TDRD3: variants seen among roughly 807,000 people sequenced by gnomAD.
The protein encoded by TDRD3 is tudor domain containing 3, also known as tudor domain-containing protein 3.
A neutral mutation model predicts 86.7 loss-of-function variants in TDRD3; 45 were observed. The ratio of observed to expected loss-of-function variants is 0.52; its 90% confidence interval spans 0.41 to 0.67. TDRD3 has a LOEUF of 0.67. Among genes scored for constraint, TDRD3 ranks in the 30% least tolerant of loss-of-function variants. The pLI, the probability that TDRD3 is intolerant of heterozygous loss-of-function variation, is 0.00. For missense variants in TDRD3, 814 were observed against 889.0 expected (o/e 0.92, Z 1.07); for synonymous variants, 298 against 301.7 (o/e 0.99, Z 0.13).
intron 9 of TDRD3, among the ~76,000 whole-genome samples, chr13:60,510,359 G>T (rs2137659880): frequency 6.6e-6 from 1 of 151,862 alleles, no homozygotes; most frequent in Non-Finnish European, 1.5e-5. Context: ...AAATATCTGT[G>T]GTTAAAGAAT....
At position 60,467,327 on chromosome 13, in the gene TDRD3, C is replaced by T; in HGVS notation, c.443C>T (p.Thr148Ile). 1 of 1,613,884 alleles carries T rather than the reference C, an allele frequency of 6.2e-7. No homozygotes were observed. Among genetic ancestry groups the T allele is most frequent in the Non-Finnish European group, 8.5e-7 (1 of 1,179,876 alleles). ...GFLLLNDSNT[T>I]VLGGEVEHLI... ...CTGCTCTTGAATGACTCTAACACCA[C>T]AGTTCTTGGTGGTGAAGTGGAACAC... The change falls in exon 5 of 14, where the codon ACA becomes ATA. Residue 148 changes from threonine (T) to isoleucine (I), a missense_variant. Thr to Ile is a moderately conservative substitution (Grantham distance 89). Transcript: ENST00000377881.
intron 3 of TDRD3, among the ~76,000 whole-genome samples, chr13:60,446,135 TC>T (rs1238963451): frequency 6.6e-6 from 1 of 152,206 alleles, no homozygotes; most frequent in Admixed American, 6.6e-5. Context: ...CTCTGCTTGC[TC>T]TTCCTCATTG....
At position 60,427,401 on chromosome 13, in the gene TDRD3, C is replaced by CT. The variant is rs200659190; in HGVS notation, c.42-12278dup. 5.4e-3 allele frequency among the ~76,000 whole-genome samples: 814 copies of CT among 151,338 alleles called. 6 individuals are homozygous for CT. The highest frequency in any genetic ancestry group is 0.019 in the African/African-American group (766 of 41,272). ...ATTGTTTCCTGTGTTATTAAAGGTACTTTTTTTTTGTGGGGAGGCTGGGTT... is the reference window on the plus strand; with the variant it reads ...ATTGTTTCCTGTGTTATTAAAGGTACTTTTTTTTTTGTGGGGAGGCTGGGTT... On this transcript the variant is annotated intron_variant, in intron 1 of 13. Coordinates refer to ENST00000377881, the MANE Select transcript of TDRD3 (RefSeq NM_001146070.2).
intron 8 of TDRD3, among the ~76,000 whole-genome samples, chr13:60,500,601 G>C (rs532127450): frequency 6.6e-6 from 1 of 152,326 alleles, no homozygotes; most frequent in Non-Finnish European, 1.5e-5. Flanking sequence ...AGAACTTCAA[G>C]CAGTGCACCT....
At chr13:60,546,527 A>G (rs958458290) in intron 12 of TDRD3, among the ~76,000 whole-genome samples, 1 of 152,150 alleles carries the variant, frequency 6.6e-6, no homozygotes, top group African/African-American at 2.4e-5. Flanking sequence ...GGTGGTGATG[A>G]TACACTTTCC....
chr13:60,538,995 A>G (rs936816846), intron 12 of TDRD3, among the ~76,000 whole-genome samples: 7 of 152,208 alleles, frequency 4.6e-5, no homozygotes, highest in Non-Finnish European at 8.8e-5. Flanking sequence ...TCTTGGTATC[A>G]GGAAATGATC....
chr13:60,397,321 A>AAACC lies in TDRD3; in HGVS notation c.-44_-43insAACC. On this transcript the variant is annotated 5_prime_UTR_variant, in exon 1 of 14. An upstream open reading frame in the 5' UTR loses its in-frame stop. Coordinates refer to ENST00000377881, the MANE Select transcript of TDRD3 (RefSeq NM_001146070.2). ...GTCTCAAGTAGGAGGCCTCCCCATCACCCCCACCCCAGCCCCCCACCACCC... is the reference window on the plus strand; with the variant it reads ...GTCTCAAGTAGGAGGCCTCCCCATCAAACCCCCCCACCCCAGCCCCCCACCACCC... 7 of 1,113,156 alleles carry AAACC rather than the reference A, an allele frequency of 6.3e-6. No individual in the cohort carries two copies. Among genetic ancestry groups the AAACC allele is most frequent in the Non-Finnish European group, 8.4e-6 (7 of 829,442 alleles). 69.0% of individuals were successfully genotyped at this position (1,113,156 alleles called of 1,614,324 possible).
At chr13:60,563,281 T>C (rs1958379323) in intron 12 of TDRD3, among the ~76,000 whole-genome samples, 1 of 150,456 alleles carries the variant, frequency 6.6e-6, no homozygotes, top group Admixed American at 6.6e-5. Context: ...AATGAACATA[T>C]TGCTGGAGCT....
At chr13:60,499,925 C>G (rs1424769431) in intron 8 of TDRD3, among the ~76,000 whole-genome samples, 1 of 152,220 alleles carries the variant, frequency 6.6e-6, no homozygotes, top group African/African-American at 2.4e-5. Context: ...GGAGAAGGCT[C>G]TGCAACAGGT....
At chr13:60,531,253 G>T (rs1595078551) in intron 11 of TDRD3, among the ~76,000 whole-genome samples, 2 of 152,130 alleles carry the variant, frequency 1.3e-5, no homozygotes, top group Non-Finnish European at 2.9e-5. Context: ...AGATGCAGGT[G>T]GTCTTCACTA....
At chr13:60,430,161 A>T (rs1235171880) in intron 1 of TDRD3, among the ~76,000 whole-genome samples, 2 of 152,190 alleles carry the variant, frequency 1.3e-5, no homozygotes, top group African/African-American at 2.4e-5. Context: ...TTCACTAAAA[A>T]GTGATAGTCT....
intron 13 of TDRD3, among the ~76,000 whole-genome samples, chr13:60,571,157 C>A (rs1958577963): frequency 6.6e-6 from 1 of 152,090 alleles, no homozygotes; most frequent in South Asian, 2.1e-4. Flanking sequence ...ACAAAATTCA[C>A]CCTAAAAAAT....
chr13:60,500,183 G>A (rs1176938605), intron 8 of TDRD3, among the ~76,000 whole-genome samples: 2 of 152,166 alleles, frequency 1.3e-5, no homozygotes, highest in South Asian at 2.1e-4. Context: ...TTGACTATGG[G>A]TCATCAAGTC....
intron 8 of TDRD3, among the ~76,000 whole-genome samples, chr13:60,502,677 G>C (rs1956858482): frequency 6.6e-6 from 1 of 152,054 alleles, no homozygotes; most frequent in Non-Finnish European, 1.5e-5. Flanking sequence ...GATAAACCAG[G>C]AGCTCCTGGT....
In TDRD3 at chr13:60,506,744, G is replaced by GAAACAAACAAAC. The variant is rs1211456055; in HGVS notation, c.859-3015_859-3004dup. Reference sequence around the variant, plus strand: ...GGCACTCCAGCCTGGGTGACAGAATGAAACAAACAAACAAAAAAAAGAACA... The same window carrying GAAACAAACAAAC: ...GGCACTCCAGCCTGGGTGACAGAATGAAACAAACAAACAAACAAACAAACAAAAAAAAGAACA... On this transcript the variant is annotated intron_variant, in intron 8 of 13. Transcript: ENST00000377881. 2.0e-5 allele frequency among the ~76,000 whole-genome samples: 3 copies of GAAACAAACAAAC among 151,940 alleles called. No individual in the cohort carries two copies. In the East Asian group the frequency reaches 5.8e-4, roughly 29 times the overall value.
At chr13:60,557,819 G>GTTTTTTTTTTTTT (rs1491187240) in intron 12 of TDRD3, among the ~76,000 whole-genome samples, 1 of 89,924 alleles carries the variant, frequency 1.1e-5, no homozygotes, top group Admixed American at 1.1e-4. Flanking sequence ...TTTTTTTCCT[G>GTTTTTTTTTTTTT]ATTTTTTTTT....
chr13:60,489,536 T>C (rs1031577601), intron 7 of TDRD3, among the ~76,000 whole-genome samples: 6 of 152,184 alleles, frequency 3.9e-5, no homozygotes, highest in African/African-American at 1.4e-4. Flanking sequence ...GTTACTCAGC[T>C]TTTTTGTATC....
intron 11 of TDRD3, 88 bp downstream of exon 11, chr13:60,529,305 T>C: frequency 7.2e-7 from 1 of 1,393,306 alleles, no homozygotes; most frequent in South Asian, 1.6e-5. Context: ...TTTGGAACTA[T>C]GAGTCTTTTT....
intron 5 of TDRD3, among the ~76,000 whole-genome samples, chr13:60,481,019 G>A (rs1028866650): frequency 6.6e-6 from 1 of 152,118 alleles, no homozygotes; most frequent in Non-Finnish European, 1.5e-5. Flanking sequence ...GATTCAGCAG[G>A]TGGGAAGTTT....
Sources: gnomAD v4.1 joint callset for allele counts (sites outside exome capture counted in the v4.1 genomes callset) on GRCh38, gnomAD v4.1.1 for gene constraint, MANE v1.5 for transcripts, NCBI Gene and HGNC (gene_info 2026-07-23, HGNC 2026-07-21) for gene names.